The following DHX8 variants were observed in gnomAD, a reference collection of about 807,000 sequenced individuals.
DHX8 encodes ATP-dependent RNA helicase DHX8.
DHX8 carries 67 observed loss-of-function variants against 140.7 expected under a neutral mutation model. That is an observed-to-expected ratio of 0.48 (90% CI 0.39 to 0.58). The LOEUF is 0.58. DHX8 is among the 20% of genes least tolerant of loss of function. DHX8 has a pLI of 0.00. For synonymous variants in DHX8, 533 were observed against 553.2 expected (o/e 0.96, Z 0.51); for missense variants, 887 against 1,550.7 (o/e 0.57, Z 7.19).
At chr17:43,505,861 T>C (rs906664741) in intron 12 of DHX8, among the ~76,000 whole-genome samples, 2 of 152,096 alleles carry the variant, frequency 1.3e-5, no homozygotes, top group East Asian at 1.9e-4. Context: ...CAATATCTTA[T>C]ATGTATACAA....
At chr17:43,529,414 G>T, downstream of DHX8, 1 of 1,474,754 alleles carries the variant, frequency 6.8e-7, no homozygotes, top group Non-Finnish European at 9.3e-7. Context: ...CAAGAATCAT[G>T]ATGGAGGCAC....
chr17:43,522,236 C>T lies in DHX8; in HGVS notation c.3443+10C>T. On this transcript the variant is annotated intron_variant, in intron 22 of 22. Coordinates refer to ENST00000262415, the MANE Select transcript of DHX8 (RefSeq NM_004941.3). ...ACAGACAGCCAGAATGGTAGGTGGACATGTCCCAGGGTCTAGGGGCTTTTC... is the reference window on the plus strand; with the variant it reads ...ACAGACAGCCAGAATGGTAGGTGGATATGTCCCAGGGTCTAGGGGCTTTTC... 1.2e-6 allele frequency: 2 copies of T among 1,611,110 alleles called. No homozygotes were observed. The highest frequency in any genetic ancestry group is 2.2e-5 in the South Asian group (2 of 90,906).
intron 3 of DHX8, among the ~76,000 whole-genome samples, chr17:43,542,990 G>A (rs1971598051): frequency 6.6e-6 from 1 of 152,142 alleles, no homozygotes; most frequent in Admixed American, 6.5e-5. Flanking sequence ...AGAGACAGGA[G>A]AGGAGGCTGG....
chr17:43,518,184 ATTGC>A (rs908145703), intron 18 of DHX8: 9 of 152,242 alleles, frequency 5.9e-5, no homozygotes, highest in African/African-American at 2.2e-4. Context: ...GTGCTTGATG[ATTGC>A]TAACATAATT....
At chr17:43,491,559 G>A (rs933213129) in intron 4 of DHX8, among the ~76,000 whole-genome samples, 2 of 151,960 alleles carry the variant, frequency 1.3e-5, no homozygotes, top group Non-Finnish European at 2.9e-5. Flanking sequence ...CTTGTTAAAG[G>A]TCTAATTTTT....
At chr17:43,530,518 G>C (rs1487064974), downstream of DHX8, 1 of 1,056,368 alleles carries the variant, frequency 9.5e-7, no homozygotes, top group African/African-American at 1.6e-5. Flanking sequence ...GAACGTCCGG[G>C]GAAAGAGTTC....
In DHX8 at chr17:43,539,670, G is replaced by C. The variant is rs1232481031; in HGVS notation, c.*20+3172G>C. On this transcript the variant is annotated intron_variant, in intron 3 of 3. Transcript: ENST00000589898. ...CCTCAGGCTGGCAGAAGTCAGCACTGTGGGCCTGAGGGCATGCACTGAAGA... is the reference window on the plus strand; with the variant it reads ...CCTCAGGCTGGCAGAAGTCAGCACTCTGGGCCTGAGGGCATGCACTGAAGA... Among the ~76,000 whole-genome samples the C allele has an allele frequency of 3.9e-5, 6 of 152,202 alleles. No individual in the cohort carries two copies. In the East Asian group the frequency reaches 9.6e-4, roughly 24 times the overall value.
At position 43,522,184 on chromosome 17, in the gene DHX8, A is replaced by G. The variant is rs1970407204; in HGVS notation, c.3401A>G (p.Tyr1134Cys). Residue 1134 changes from tyrosine (Y) to cysteine (C), a missense_variant, in exon 22 of 23, where the codon TAT becomes TGT. Tyr to Cys is a radical substitution (Grantham distance 194, BLOSUM62 -2). Coordinates refer to ENST00000262415, the MANE Select transcript of DHX8 (RefSeq NM_004941.3). Reference protein sequence around the residue: ...YRTLIDQQVVYIHPSSALFNR... With the variant: ...YRTLIDQQVVCIHPSSALFNR... ...ACACTGATCGACCAGCAGGTGGTCT[A>G]TATCCATCCTTCCAGTGCCCTCTTC... 1.9e-6 allele frequency: 3 copies of G among 1,613,942 alleles called. No individual in the cohort carries two copies. Among genetic ancestry groups the G allele is most frequent in the East Asian group, 4.5e-5 (2 of 44,890 alleles).
At chr17:43,493,165 T>G (rs1968639130) in intron 6 of DHX8, 125 bp downstream of exon 6, 7 of 1,334,248 alleles carry the variant, frequency 5.2e-6, no homozygotes, top group Admixed American at 4.5e-5. Flanking sequence ...CATACATGGT[T>G]CTTAGAAATT....
rs774088630 is a variant in DHX8 at position 43,493,709 on chromosome 17, T to C, written c.1035T>C (p.Asp345=). 1.8e-5 allele frequency: 29 copies of C among 1,614,064 alleles called. No individual in the cohort carries two copies. The highest frequency in any genetic ancestry group is 2.2e-5 in the Non-Finnish European group (26 of 1,180,058). Residue 345 remains aspartate, a synonymous_variant, in exon 8 of 23, where the codon GAT becomes GAC. Transcript: ENST00000262415. ...ATGTGGATCAAGAGACTGGAGAAGA[T>C]CTAAACCCAAATAGACGGCGAAATC... The part of the protein sequence containing the change: ...MKDVDQETGE[D]LNPNRRRNLV...
chr17:43,496,857 A>AT (rs1968890833), intron 9 of DHX8, among the ~76,000 whole-genome samples: 1 of 152,130 alleles, frequency 6.6e-6, no homozygotes, highest in Non-Finnish European at 1.5e-5. Context: ...CTTAGTAATT[A>AT]TTCTGAAAAC....
intron 16 of DHX8, among the ~76,000 whole-genome samples, chr17:43,511,456 A>ATCTTTTTTTTTTTTTTTTTT (rs1969821567): frequency 1.8e-5 from 1 of 56,790 alleles, no homozygotes; most frequent in Non-Finnish European, 2.9e-5. Flanking sequence ...TGATCCCAGC[A>ATCTTTTTTTTTTTTTTTTTT]TTTTTTTTTT....
chr17:43,485,025 G>A lies in DHX8; in HGVS notation c.148+840G>A, dbSNP rs1366058102. On this transcript the variant is annotated intron_variant, in intron 1 of 22. Coordinates refer to ENST00000262415, the MANE Select transcript of DHX8 (RefSeq NM_004941.3). ...AAACTGAGGAATTAGAAAAGGCTAG[G>A]GTCCTAAAGCTAAAGCCATAGACAG... is the stretch of plus-strand genomic sequence containing the variant. 3.3e-5 allele frequency among the ~76,000 whole-genome samples: 5 copies of A among 152,276 alleles called. No homozygotes were observed. In the East Asian group the frequency reaches 7.7e-4, roughly 23 times the overall value.
intron 21 of DHX8, 131 bp from the exon 22 acceptor site, chr17:43,521,916 A>T: frequency 1.1e-6 from 1 of 924,324 alleles, no homozygotes. Context: ...CCTCTGTAGT[A>T]CACTTAGGGC....
chr17:43,532,564 TG>T, intron 2 of DHX8: 3 of 954,472 alleles, frequency 3.1e-6, no homozygotes, highest in Non-Finnish European at 4.6e-6. Flanking sequence ...AGTGGGTGGG[TG>T]GGTTGGATGT....
intron 3 of DHX8, among the ~76,000 whole-genome samples, chr17:43,490,685 C>T (rs1968460730): frequency 6.6e-6 from 1 of 152,044 alleles, no homozygotes; most frequent in African/African-American, 2.4e-5. Flanking sequence ...CCAGCCTGGG[C>T]AACATAGAGA....
chr17:43,522,279 G>A (rs1483735247), intron 22 of DHX8, 53 bp downstream of exon 22: 13 of 1,538,490 alleles, frequency 8.4e-6, no homozygotes, highest in African/African-American at 1.4e-5. Flanking sequence ...AGAAAAACCT[G>A]TAAATTTCCT....
chr17:43,511,691 C>A (rs145825622), intron 16 of DHX8, among the ~76,000 whole-genome samples: 3,672 of 150,904 alleles, frequency 0.024, 68 homozygotes, highest in Non-Finnish European at 0.035. Context: ...CTCCTGATCT[C>A]AGATGATCCA....
chr17:43,509,961 G>A (rs1238817233), intron 16 of DHX8, among the ~76,000 whole-genome samples: 3 of 152,012 alleles, frequency 2.0e-5, no homozygotes, highest in South Asian at 2.1e-4. Context: ...GAGCCACTGC[G>A]CCCAGCCAAT....
Sources: gnomAD v4.1 joint callset for allele counts (sites outside exome capture counted in the v4.1 genomes callset) on GRCh38, gnomAD v4.1.1 for gene constraint, MANE v1.5 for transcripts, NCBI Gene and HGNC (gene_info 2026-07-23, HGNC 2026-07-21) for gene names.